The following RABGAP1L variants were observed in gnomAD, a reference collection of about 807,000 sequenced individuals.
The protein encoded by RABGAP1L is rab GTPase-activating protein 1-like.
RABGAP1L carries 63 observed loss-of-function variants against 137.7 expected under a neutral mutation model. That is an observed-to-expected ratio of 0.46 (90% CI 0.37 to 0.56). The LOEUF is 0.56. Ranked by LOEUF, RABGAP1L falls within the 20% of genes least tolerant of loss-of-function variation. The pLI is 0.00. For synonymous variants in RABGAP1L, 431 were observed against 433.7 expected, an observed-to-expected ratio of 0.99 and a Z score of 0.08; for missense variants, 1,095 against 1,244.0, an observed-to-expected ratio of 0.88 and a Z score of 1.80.
intron 13 of RABGAP1L, among the ~76,000 whole-genome samples, chr1:174,436,256 G>A (rs868369392): frequency 6.6e-6 from 1 of 152,280 alleles, no homozygotes; most frequent in Middle Eastern, 3.4e-3. Flanking sequence ...GGTTGAACTA[G>A]TTTATAGTCC....
At chr1:174,611,648 G>T (rs1420946756) in intron 13 of RABGAP1L, among the ~76,000 whole-genome samples, 46 of 151,158 alleles carry the variant, frequency 3.0e-4, no homozygotes, top group Non-Finnish European at 5.5e-4. Context: ...ACCTTGGGCA[G>T]TATGGCCATT....
chr1:174,522,720 A>T (rs1251232294), intron 13 of RABGAP1L, among the ~76,000 whole-genome samples: 1 of 152,206 alleles, frequency 6.6e-6, no homozygotes, highest in Non-Finnish European at 1.5e-5. Context: ...GCCTCAGGAA[A>T]CCTACAATCA....
chr1:174,941,000 C>T (rs1186290895), intron 19 of RABGAP1L, among the ~76,000 whole-genome samples: 1 of 152,194 alleles, frequency 6.6e-6, no homozygotes, highest in Admixed American at 6.5e-5. Context: ...CTGCAGGTAC[C>T]TTATGCCAGG....
At chr1:174,735,935 T>C (rs1682906558) in intron 17 of RABGAP1L, among the ~76,000 whole-genome samples, 2 of 152,142 alleles carry the variant, frequency 1.3e-5, no homozygotes, top group Admixed American at 1.3e-4. Context: ...CCAAACACCT[T>C]CCACCAGGCT....
At chr1:174,175,312 G>T (rs1193515739) in intron 1 of RABGAP1L, among the ~76,000 whole-genome samples, 1 of 152,084 alleles carries the variant, frequency 6.6e-6, no homozygotes, top group Non-Finnish European at 1.5e-5. Context: ...GTTCTGGATG[G>T]CATGAAGTTG....
At chr1:174,554,875 TGAG>T (rs1288953792) in intron 13 of RABGAP1L, among the ~76,000 whole-genome samples, 3 of 152,176 alleles carry the variant, frequency 2.0e-5, no homozygotes, top group Non-Finnish European at 4.4e-5. Flanking sequence ...TAATAACACT[TGAG>T]GTAATAATAA....
intron 1 of RABGAP1L, among the ~76,000 whole-genome samples, chr1:174,214,321 A>T (rs1479086663): frequency 6.6e-6 from 1 of 152,210 alleles, no homozygotes; most frequent in East Asian, 1.9e-4. Flanking sequence ...TAAAACATTG[A>T]TGTAAGAAAT....
chr1:174,800,790 G>T (rs1022492952), intron 18 of RABGAP1L, among the ~76,000 whole-genome samples: 1 of 152,160 alleles, frequency 6.6e-6, no homozygotes, highest in Admixed American at 6.5e-5. Flanking sequence ...GCTAGGCTCA[G>T]CAATAAAGCA....
At chr1:174,330,346 G>A (rs1680924769) in intron 11 of RABGAP1L, among the ~76,000 whole-genome samples, 1 of 152,182 alleles carries the variant, frequency 6.6e-6, no homozygotes, top group Non-Finnish European at 1.5e-5. Flanking sequence ...TTCGGAGGCT[G>A]AGGCAGGAGG....
intron 11 of RABGAP1L, among the ~76,000 whole-genome samples, chr1:174,362,802 C>T (rs1339366050): frequency 2.0e-5 from 3 of 152,240 alleles, no homozygotes; most frequent in Middle Eastern, 3.4e-3. Flanking sequence ...TAATTAGATA[C>T]CATTTATCAA....
chr1:174,687,944 G>C (rs1411161739), intron 15 of RABGAP1L, among the ~76,000 whole-genome samples: 1 of 152,080 alleles, frequency 6.6e-6, no homozygotes, highest in Non-Finnish European at 1.5e-5. Flanking sequence ...CTTGTACTTG[G>C]AAATTTCTAG....
At chr1:174,788,480 G>A (rs1687622379) in intron 18 of RABGAP1L, among the ~76,000 whole-genome samples, 1 of 152,186 alleles carries the variant, frequency 6.6e-6, no homozygotes, top group East Asian at 1.9e-4. Flanking sequence ...TATTTCCGTA[G>A]CACACCAGTC....
At chr1:174,283,135 G>A (rs1675722662) in intron 10 of RABGAP1L, among the ~76,000 whole-genome samples, 1 of 152,134 alleles carries the variant, frequency 6.6e-6, no homozygotes, top group African/African-American at 2.4e-5. Flanking sequence ...GGACGCAGTG[G>A]CTCACACTGG....
At chr1:174,291,147 T>C (rs1180800681) in intron 10 of RABGAP1L, among the ~76,000 whole-genome samples, 1 of 152,224 alleles carries the variant, frequency 6.6e-6, no homozygotes, top group Non-Finnish European at 1.5e-5. Context: ...TAAATTCTTT[T>C]TCTTCTCTTG....
chr1:174,229,579 A>G (rs1670464315), intron 3 of RABGAP1L, among the ~76,000 whole-genome samples: 1 of 152,164 alleles, frequency 6.6e-6, no homozygotes, highest in Non-Finnish European at 1.5e-5. Flanking sequence ...AGGGAAAGGT[A>G]GGCAGTGAGG....
At chr1:174,311,932 T>C (rs1011013117) in intron 11 of RABGAP1L, among the ~76,000 whole-genome samples, 1 of 152,216 alleles carries the variant, frequency 6.6e-6, no homozygotes, top group African/African-American at 2.4e-5. Context: ...CTTATTCTTT[T>C]TTATGATTGA....
intron 11 of RABGAP1L, among the ~76,000 whole-genome samples, chr1:174,315,787 T>A (rs936002318): frequency 1.3e-5 from 2 of 152,158 alleles, no homozygotes; most frequent in Admixed American, 6.5e-5. Context: ...AATATTGGTA[T>A]CTTTCTCTAG....
At chr1:174,494,587 T>C (rs1660574721) in intron 13 of RABGAP1L, among the ~76,000 whole-genome samples, 1 of 152,230 alleles carries the variant, frequency 6.6e-6, no homozygotes, top group African/African-American at 2.4e-5. Flanking sequence ...AAGTTAAAGC[T>C]AATTTATTTT....
intron 5 of RABGAP1L, chr1:174,245,906 G>GA (rs1354243570): frequency 2.0e-5 from 3 of 152,142 alleles, no homozygotes; most frequent in African/African-American, 7.2e-5. Context: ...AAAGTGCTGG[G>GA]ATTACAGGTG....
Sources: gnomAD v4.1 joint callset for allele counts (sites outside exome capture counted in the v4.1 genomes callset) on GRCh38, gnomAD v4.1.1 for gene constraint, MANE v1.5 for transcripts, NCBI Gene and HGNC (gene_info 2026-07-23, HGNC 2026-07-21) for gene names.